The following IL15 variants were observed in gnomAD, a reference collection of about 807,000 sequenced individuals.
The protein encoded by IL15 is interleukin 15.
Under a neutral mutation model 19.6 loss-of-function variants are expected in IL15, and 11 were observed. That is an observed-to-expected ratio of 0.56 (90% CI 0.35 to 0.93). The LOEUF is 0.93. IL15 is among the 40% of genes least tolerant of loss of function. The pLI, the probability that IL15 is intolerant of heterozygous loss-of-function variation, is 0.01. For missense variants in IL15, 197 were observed against 186.5 expected, an observed-to-expected ratio of 1.06 and a Z score of -0.33; for synonymous variants, 58 against 59.6, an observed-to-expected ratio of 0.97 and a Z score of 0.12.
chr4:141,688,627 T>G (rs1454848192), intron 2 of IL15, among the ~76,000 whole-genome samples: 1 of 151,646 alleles, frequency 6.6e-6, no homozygotes, highest in Non-Finnish European at 1.5e-5. Flanking sequence ...TATGCTCTTT[T>G]GGCTTGATCT....
At chr4:141,680,385 T>C (rs924844573) in intron 2 of IL15, among the ~76,000 whole-genome samples, 7 of 152,226 alleles carry the variant, frequency 4.6e-5, no homozygotes, top group African/African-American at 1.7e-4. Flanking sequence ...TGAATGAATA[T>C]TGTATCACTG....
chr4:141,723,325 G>T (rs116637054), intron 5 of IL15, among the ~76,000 whole-genome samples: 312 of 152,224 alleles, frequency 2.0e-3, no homozygotes, highest in African/African-American at 6.9e-3. Context: ...AGTAGGGGGG[G>T]CCCTAAATCC....
intron 2 of IL15, among the ~76,000 whole-genome samples, chr4:141,662,824 TAAG>T (rs1007078034): frequency 2.0e-5 from 3 of 152,220 alleles, no homozygotes; most frequent in African/African-American, 4.8e-5. Context: ...TGACTTGTTT[TAAG>T]AAGAGATAAT....
chr4:141,707,627 G>A (rs1465507400), intron 2 of IL15, among the ~76,000 whole-genome samples: 1 of 152,194 alleles, frequency 6.6e-6, no homozygotes, highest in South Asian at 2.1e-4. Flanking sequence ...GGACTCAGTA[G>A]CACGGTATCT....
intron 2 of IL15, among the ~76,000 whole-genome samples, chr4:141,699,866 G>A (rs913946381): frequency 1.3e-5 from 2 of 152,022 alleles, no homozygotes; most frequent in African/African-American, 4.8e-5. Flanking sequence ...CATGTTAGTT[G>A]TTTCCTAGAT....
chr4:141,659,422 C>T (rs946666253), intron 2 of IL15, among the ~76,000 whole-genome samples: 1 of 151,968 alleles, frequency 6.6e-6, no homozygotes, highest in African/African-American at 2.4e-5. Flanking sequence ...AGGCTGGTCT[C>T]GAACTCCTGA....
intron 1 of IL15, among the ~76,000 whole-genome samples, chr4:141,644,855 C>T (rs147045550): frequency 1.0e-3 from 153 of 152,174 alleles, no homozygotes; most frequent in African/African-American, 3.3e-3. Flanking sequence ...TAAATAGAGC[C>T]GGCATATATC....
At chr4:141,710,357 T>C (rs1359522510) in intron 2 of IL15, among the ~76,000 whole-genome samples, 1 of 152,248 alleles carries the variant, frequency 6.6e-6, no homozygotes, top group Non-Finnish European at 1.5e-5. Flanking sequence ...ATCCATTATA[T>C]TGTTTAGTAC....
At chr4:141,718,052 A>G (rs914053916) in intron 2 of IL15, 1 of 152,224 alleles carries the variant, frequency 6.6e-6, no homozygotes, top group Non-Finnish European at 1.5e-5. Context: ...CATGTTTGGC[A>G]ACCACACTCT....
rs1730093135 is a variant in IL15 at position 141,721,858 on chromosome 4, G to T, written c.111-66G>T. 5 of 1,347,878 alleles carry T rather than the reference G, an allele frequency of 3.7e-6. No individual in the cohort carries two copies. The Middle Eastern group carries it at 5.6e-4, about 151-fold the overall frequency. The allele number at this position is 1,347,878 out of a possible 1,614,324, so 83.5% of individuals were successfully genotyped here. A position where few individuals can be genotyped will look rare whatever the true frequency, so the allele number is the denominator to read the frequency against. ...AATAAAAATTATTGATTGCTCTTTT[G>T]CTTATAGTATTCATCAAGATGAATA... On this transcript the variant is annotated intron_variant, in intron 4 of 7. Coordinates refer to ENST00000320650, the MANE Select transcript of IL15 (RefSeq NM_000585.5).
At chr4:141,677,514 C>G (rs557403476) in intron 2 of IL15, among the ~76,000 whole-genome samples, 2 of 152,174 alleles carry the variant, frequency 1.3e-5, no homozygotes, top group East Asian at 3.9e-4. Flanking sequence ...AGATTTTTGT[C>G]TTTGCCGGGG....
At chr4:141,686,429 C>T (rs1354414817) in intron 2 of IL15, among the ~76,000 whole-genome samples, 3 of 152,130 alleles carry the variant, frequency 2.0e-5, no homozygotes, top group Non-Finnish European at 4.4e-5. Flanking sequence ...ATTTCATTAT[C>T]GTCCAGAATT....
intron 2 of IL15, among the ~76,000 whole-genome samples, chr4:141,709,047 T>C (rs1729620285): frequency 7.1e-6 from 1 of 140,384 alleles, no homozygotes; most frequent in African/African-American, 2.6e-5. Context: ...TTATTCAATA[T>C]TGAAAATTTT....
At position 141,687,673 on chromosome 4, in the gene IL15, C is replaced by G. The variant is rs373031278; in HGVS notation, c.-100+31366C>G. Reference sequence around the variant, plus strand: ...TTGGCAAATTATTTTTCATTAAAACCCTAGGAATTTTGCAGTGAATGCCTT... The same window carrying G: ...TTGGCAAATTATTTTTCATTAAAACGCTAGGAATTTTGCAGTGAATGCCTT... On this transcript the variant is annotated intron_variant, in intron 2 of 7. Coordinates refer to ENST00000320650, the MANE Select transcript of IL15 (RefSeq NM_000585.5). 1.6e-4 allele frequency among the ~76,000 whole-genome samples: 25 copies of G among 152,124 alleles called. 1 individual carries two copies. The highest frequency in any genetic ancestry group is 6.0e-4 in the African/African-American group (25 of 41,518).
chr4:141,709,261 C>T (rs897902560), intron 2 of IL15, among the ~76,000 whole-genome samples: 1 of 152,066 alleles, frequency 6.6e-6, no homozygotes, highest in African/African-American at 2.4e-5. Flanking sequence ...AGGTCTAGGT[C>T]ATAGATGACC....
chr4:141,695,628 T>G (rs1026995235), intron 2 of IL15, among the ~76,000 whole-genome samples: 1 of 152,072 alleles, frequency 6.6e-6, no homozygotes, highest in Non-Finnish European at 1.5e-5. Context: ...GGTAGTTCTG[T>G]TTTTAATTGT....
intron 2 of IL15, among the ~76,000 whole-genome samples, chr4:141,706,384 C>T (rs1308336648): frequency 6.6e-6 from 1 of 151,786 alleles, no homozygotes; most frequent in Non-Finnish European, 1.5e-5. Flanking sequence ...ACTTCTTTAC[C>T]CATTATGTAG....
rs1435214089 is a variant in IL15 at position 141,719,352 on chromosome 4, AT to A, written c.-99-13del. ...AGTGCACTTGTGTTTTTAATGGATC[AT>A]ACTTTACCCTAGATTGTATTGTAGG... On this transcript the variant is annotated splice_polypyrimidine_tract_variant and intron_variant, in intron 2 of 7. Coordinates refer to ENST00000320650, the MANE Select transcript of IL15 (RefSeq NM_000585.5). 1.6e-6 allele frequency: 1 copy of A among 618,588 alleles called. No homozygotes were observed. Among genetic ancestry groups the A allele is most frequent in the East Asian group, 2.8e-5 (1 of 35,638 alleles). The allele number at this position is 618,588 out of a possible 1,614,324, so 38.3% of individuals were successfully genotyped here.
In IL15 at chr4:141,667,566, T is replaced by C. The variant is rs553579302; in HGVS notation, c.-100+11259T>C. ...ATGGTTTAATTCATACCTTTTTTTT[T>C]CACTCTGTATGCCACTTACTTTAAA... On this transcript the variant is annotated intron_variant, in intron 2 of 7. Transcript: ENST00000320650. Among the ~76,000 whole-genome samples, 7 of 152,304 alleles carry C rather than the reference T, an allele frequency of 4.6e-5. No homozygotes were observed. In the South Asian group the frequency reaches 1.0e-3, roughly 23 times the overall value.
Sources: gnomAD v4.1 joint callset for allele counts (sites outside exome capture counted in the v4.1 genomes callset) on GRCh38, gnomAD v4.1.1 for gene constraint, MANE v1.5 for transcripts, NCBI Gene and HGNC (gene_info 2026-07-23, HGNC 2026-07-21) for gene names.